The following CDK14 variants were observed in gnomAD, a reference collection of about 807,000 sequenced individuals.
The protein encoded by CDK14 is cyclin-dependent kinase 14.
CDK14 carries 34 observed loss-of-function variants against 60.7 expected under a neutral mutation model. The ratio of observed to expected loss-of-function variants is 0.56; its 90% CI spans 0.43 to 0.75. CDK14 has a LOEUF of 0.75. Ranked by LOEUF, CDK14 falls within the 30% of genes least tolerant of loss-of-function variation. CDK14 has a pLI of 0.00. For missense variants in CDK14, 482 were observed against 564.1 expected (o/e 0.85, Z 1.47); for synonymous variants, 197 against 203.7 (o/e 0.97, Z 0.28).
chr7:90,726,885 G>A (rs1802655716), intron 3 of CDK14, 73 bp downstream of exon 3: 2 of 1,535,598 alleles, frequency 1.3e-6, no homozygotes, highest in South Asian at 2.5e-5. Flanking sequence ...TGCGGTGCTG[G>A]AAGACAGCAG....
intron 12 of CDK14, among the ~76,000 whole-genome samples, chr7:91,098,493 TTAAAA>T (rs1233339335): frequency 7.2e-5 from 10 of 139,800 alleles, no homozygotes; most frequent in Admixed American, 2.9e-4. Flanking sequence ...ACCCTAGAAC[TTAAAA>T]TAAAAAAAGA....
intron 11 of CDK14, among the ~76,000 whole-genome samples, chr7:91,065,106 C>A (rs1430338507): frequency 6.6e-6 from 1 of 152,122 alleles, no homozygotes; most frequent in Non-Finnish European, 1.5e-5. Flanking sequence ...CCAGAAGTTG[C>A]TCAAAGATTA....
At chr7:91,198,197 A>T (rs1802609649) in intron 14 of CDK14, among the ~76,000 whole-genome samples, 1 of 152,204 alleles carries the variant, frequency 6.6e-6, no homozygotes, top group Non-Finnish European at 1.5e-5. Flanking sequence ...CTGTAATATG[A>T]CATCTGTGTT....
At chr7:90,901,873 TC>T (rs1335936422) in intron 7 of CDK14, among the ~76,000 whole-genome samples, 1 of 151,590 alleles carries the variant, frequency 6.6e-6, no homozygotes, top group Non-Finnish European at 1.5e-5. Flanking sequence ...ATCTAAAGAC[TC>T]CACCAAAAAA....
At chr7:90,736,225 G>A (rs1803097873) in intron 3 of CDK14, among the ~76,000 whole-genome samples, 1 of 151,846 alleles carries the variant, frequency 6.6e-6, no homozygotes, top group Non-Finnish European at 1.5e-5. Flanking sequence ...TGCCTTCCGT[G>A]TTGATCTCGC....
At chr7:90,659,358 A>G (rs929993579) in intron 2 of CDK14, among the ~76,000 whole-genome samples, 1 of 152,186 alleles carries the variant, frequency 6.6e-6, no homozygotes, top group African/African-American at 2.4e-5. Context: ...GCCTCATATT[A>G]TGTTCAGACC....
chr7:91,103,635 G>A (rs374912393), intron 12 of CDK14, among the ~76,000 whole-genome samples: 31 of 152,106 alleles, frequency 2.0e-4, no homozygotes, highest in African/African-American at 7.5e-4. Context: ...CCAGATTGGA[G>A]GATATGTAGC....
chr7:91,037,565 T>C (rs1243160720), intron 10 of CDK14, among the ~76,000 whole-genome samples: 1 of 152,174 alleles, frequency 6.6e-6, no homozygotes, highest in Admixed American at 6.5e-5. Context: ...AGCCAGCTTC[T>C]CCTAGAAGCA....
intron 10 of CDK14, among the ~76,000 whole-genome samples, chr7:91,029,923 G>C (rs1207240997): frequency 5.9e-5 from 9 of 152,098 alleles, no homozygotes; most frequent in Non-Finnish European, 1.3e-4. Flanking sequence ...TTGCCTGATT[G>C]CTCTGGCTAG....
At chr7:90,627,912 C>T (rs932032777) in intron 2 of CDK14, among the ~76,000 whole-genome samples, 1 of 152,304 alleles carries the variant, frequency 6.6e-6, no homozygotes, top group African/African-American at 2.4e-5. Context: ...TACTGCAAAG[C>T]TGTGAATGCT....
intron 4 of CDK14, among the ~76,000 whole-genome samples, chr7:90,766,686 G>A (rs1480126045): frequency 6.6e-6 from 1 of 152,088 alleles, no homozygotes; most frequent in Non-Finnish European, 1.5e-5. Flanking sequence ...CAATTGTAAG[G>A]TCCAGGGTCA....
intron 14 of CDK14, among the ~76,000 whole-genome samples, chr7:91,144,660 C>T (rs1400408232): frequency 1.3e-5 from 2 of 152,144 alleles, no homozygotes; most frequent in Non-Finnish European, 2.9e-5. Flanking sequence ...TTGATAGTCT[C>T]ATAGTAAAAG....
At chr7:90,976,025 A>G (rs1457477630) in intron 9 of CDK14, among the ~76,000 whole-genome samples, 1 of 152,098 alleles carries the variant, frequency 6.6e-6, no homozygotes, top group Admixed American at 6.6e-5. Context: ...TCTTCAATAT[A>G]CTGATTTCTT....
chr7:90,846,901 G>A (rs1386477208), intron 5 of CDK14, among the ~76,000 whole-genome samples: 1 of 152,116 alleles, frequency 6.6e-6, no homozygotes, highest in African/African-American at 2.4e-5. Flanking sequence ...GGAACAGTTT[G>A]CTTTCTGGTT....
chr7:90,938,057 T>C (rs1258334181), intron 8 of CDK14, among the ~76,000 whole-genome samples: 1 of 152,228 alleles, frequency 6.6e-6, no homozygotes, highest in Non-Finnish European at 1.5e-5. Context: ...TAGTTTGGAA[T>C]CTTTATGTGT....
At chr7:91,118,963 C>T (rs1216566514) in intron 14 of CDK14, among the ~76,000 whole-genome samples, 1 of 152,058 alleles carries the variant, frequency 6.6e-6, no homozygotes, top group East Asian at 1.9e-4. Context: ...ATGGCAACTT[C>T]TGAAAAGGCC....
In CDK14 at chr7:91,081,238, C is replaced by T. The variant is rs537589610; in HGVS notation, c.1154+1758C>T. 5.7e-4 allele frequency among the ~76,000 whole-genome samples: 87 copies of T among 152,232 alleles called. 1 individual carries two copies. The highest frequency in any genetic ancestry group is 3.3e-3 in the South Asian group (16 of 4,824). The stretch of plus-strand genomic sequence containing the variant: ...TTAATTATATTATTGATTCTTCCTC[C>T]AAATGGTCCTTGCAACCATCATCAG... On this transcript the variant is annotated intron_variant, in intron 12 of 14. Coordinates refer to ENST00000380050, the MANE Select transcript of CDK14 (RefSeq NM_001287135.2).
At chr7:90,985,102 T>C (rs1433638088) in intron 10 of CDK14, among the ~76,000 whole-genome samples, 1 of 152,222 alleles carries the variant, frequency 6.6e-6, no homozygotes, top group Non-Finnish European at 1.5e-5. Context: ...AGAGAGAAAC[T>C]GGGCGAGTGG....
chr7:90,887,159 G>A (rs929307558), intron 6 of CDK14, among the ~76,000 whole-genome samples: 8 of 151,950 alleles, frequency 5.3e-5, no homozygotes, highest in East Asian at 3.9e-4. Context: ...ACAATTTTAC[G>A]GATTCTTAAC....
Sources: allele counts gnomAD v4.1 joint callset (sites outside exome capture counted in the v4.1 genomes callset), GRCh38; gene constraint gnomAD v4.1.1; transcripts MANE v1.5; gene names NCBI Gene and HGNC (gene_info 2026-07-23, HGNC 2026-07-21).